The following MEIS1 variants were observed in gnomAD, a reference collection of about 807,000 sequenced individuals.
MEIS1 encodes Meis homeobox 1.
A neutral mutation model predicts 50.8 loss-of-function variants in MEIS1; 5 were observed. That is an observed-to-expected ratio of 0.10 (90% CI 0.05 to 0.21). MEIS1 has a LOEUF of 0.21. MEIS1 is among the 10% of genes least tolerant of loss of function. The pLI, the probability that MEIS1 is intolerant of heterozygous loss-of-function variation, is 1.00. For synonymous variants in MEIS1, 176 were observed against 179.3 expected, an observed-to-expected ratio of 0.98 and a Z score of 0.15; for missense variants, 318 against 517.3, an observed-to-expected ratio of 0.61 and a Z score of 3.74.
intron 6 of MEIS1, among the ~76,000 whole-genome samples, chr2:66,453,876 T>C (rs557399550): frequency 6.6e-6 from 1 of 152,054 alleles, no homozygotes; most frequent in South Asian, 2.1e-4. Flanking sequence ...GCTCGAGAGT[T>C]TAGAAGTAGA....
At chr2:66,473,397 A>AATATATATATATATAT (rs1553373466) in intron 7 of MEIS1, among the ~76,000 whole-genome samples, 69 of 107,390 alleles carry the variant, frequency 6.4e-4, no homozygotes, top group African/African-American at 3.1e-3. Flanking sequence ...AAAAAAAAAA[A>AATATATATATATATAT]ATATATATAT....
intron 6 of MEIS1, among the ~76,000 whole-genome samples, chr2:66,461,618 C>G (rs1000692627): frequency 2.2e-4 from 34 of 152,190 alleles, no homozygotes; most frequent in African/African-American, 4.8e-4. Flanking sequence ...AAAATATTGG[C>G]TCCTACCTTT....
chr2:66,544,715 T>C (rs1674746979), intron 8 of MEIS1, among the ~76,000 whole-genome samples: 1 of 152,176 alleles, frequency 6.6e-6, no homozygotes, highest in Admixed American at 6.6e-5. Context: ...TGAGGCTGCC[T>C]AGCAATTATG....
chr2:66,500,184 C>T (rs1341661134), intron 7 of MEIS1, among the ~76,000 whole-genome samples: 2 of 152,088 alleles, frequency 1.3e-5, no homozygotes, highest in Non-Finnish European at 2.9e-5. Flanking sequence ...CGAGCTTTAC[C>T]ACATATAATC....
chr2:66,566,575 T>C (rs895865306), intron 9 of MEIS1, among the ~76,000 whole-genome samples: 1 of 140,400 alleles, frequency 7.1e-6, no homozygotes, highest in Non-Finnish European at 1.5e-5. Context: ...GAGAATCTCA[T>C]GCGTATGACT....
intron 8 of MEIS1, among the ~76,000 whole-genome samples, chr2:66,527,590 A>G (rs1239586939): frequency 4.1e-5 from 4 of 97,730 alleles, no homozygotes; most frequent in African/African-American, 8.8e-5. Context: ...CAGTAAAAGC[A>G]AGTGTGTGTG....
At chr2:66,537,610 C>T (rs563997628) in intron 8 of MEIS1, among the ~76,000 whole-genome samples, 3 of 152,162 alleles carry the variant, frequency 2.0e-5, no homozygotes, top group Non-Finnish European at 4.4e-5. Flanking sequence ...TTCTAACTTA[C>T]GGATACTTTA....
chr2:66,437,471 A>G, intron 1 of MEIS1: 1 of 475,012 alleles, frequency 2.1e-6, no homozygotes, highest in East Asian at 3.6e-5. Context: ...TTCTTGCCAA[A>G]GGAGCCTGAA....
intron 8 of MEIS1, among the ~76,000 whole-genome samples, chr2:66,532,183 T>A (rs1257419966): frequency 6.6e-6 from 1 of 152,278 alleles, no homozygotes; most frequent in Non-Finnish European, 1.5e-5. Flanking sequence ...AGAATTAAAC[T>A]GAAGTTACTT....
At chr2:66,457,726 C>G (rs895402164) in intron 6 of MEIS1, among the ~76,000 whole-genome samples, 2 of 152,172 alleles carry the variant, frequency 1.3e-5, no homozygotes, top group African/African-American at 4.8e-5. Flanking sequence ...TACAGCGATC[C>G]CATTCACTGT....
chr2:66,441,264 A>T, intron 4 of MEIS1, 150 bp from the exon 5 acceptor site: 1 of 595,306 alleles, frequency 1.7e-6, no homozygotes, highest in Non-Finnish European at 2.8e-6. Context: ...GATGGTACCC[A>T]GTTGCTGCTA....
In MEIS1 at chr2:66,571,405, C is replaced by T. The variant is rs1475535553; in HGVS notation, c.*197C>T. ...TACATTCCTGGACACCCTCACCACC[C>T]AACAGTGATGATGCATGGAGGACCG... is the stretch of plus-strand genomic sequence containing the variant. On this transcript the variant is annotated 3_prime_UTR_variant, in exon 13 of 13. Coordinates refer to ENST00000272369, the MANE Select transcript of MEIS1 (RefSeq NM_002398.3). The T allele has an allele frequency of 1.2e-6, 2 of 1,606,138 alleles. No individual in the cohort carries two copies. Among genetic ancestry groups the T allele is most frequent in the African/African-American group, 1.3e-5 (1 of 74,748 alleles).
At chr2:66,538,583 C>G (rs531871417) in intron 8 of MEIS1, among the ~76,000 whole-genome samples, 24 of 152,284 alleles carry the variant, frequency 1.6e-4, no homozygotes, top group Non-Finnish European at 3.4e-4. Flanking sequence ...TTAGTCATCT[C>G]TAACTTTAAT....
At chr2:66,459,041 CA>C (rs1672460723) in intron 6 of MEIS1, among the ~76,000 whole-genome samples, 1 of 152,134 alleles carries the variant, frequency 6.6e-6, no homozygotes, top group Non-Finnish European at 1.5e-5. Context: ...CAGGTCATCA[CA>C]AAGCAAAGAG....
intron 7 of MEIS1, among the ~76,000 whole-genome samples, chr2:66,489,492 ATC>A (rs1451904014): frequency 6.6e-6 from 1 of 152,216 alleles, no homozygotes; most frequent in Non-Finnish European, 1.5e-5. Context: ...ATTAAAATGT[ATC>A]TGTGATTGTT....
At chr2:66,472,865 C>T (rs928671628) in intron 7 of MEIS1, among the ~76,000 whole-genome samples, 1 of 152,104 alleles carries the variant, frequency 6.6e-6, no homozygotes, top group South Asian at 2.1e-4. Context: ...TTGTGTTCAC[C>T]GCCATTAGTC....
At chr2:66,479,469 A>C (rs1672968349) in intron 7 of MEIS1, among the ~76,000 whole-genome samples, 1 of 152,224 alleles carries the variant, frequency 6.6e-6, no homozygotes, top group African/African-American at 2.4e-5. Flanking sequence ...TGAATGGTGT[A>C]GTTAGTATAT....
At position 66,464,183 on chromosome 2, in the gene MEIS1, C is replaced by A; in HGVS notation, c.705C>A (p.Gly235=). The change falls in exon 7 of 13, where the codon GGC becomes GGA. Residue 235 remains glycine (G), a synonymous_variant. Transcript: ENST00000272369. ...GAACCCCAGGCCCTTCCAGCGGTGGCCACACGTCACACAGTGGGGACAACA... is the reference window on the plus strand; with the variant it reads ...GAACCCCAGGCCCTTCCAGCGGTGGACACACGTCACACAGTGGGGACAACA... The part of the protein sequence containing the change: ...SGGTPGPSSG[G]HTSHSGDNSS... The A allele has an allele frequency of 6.2e-7, 1 of 1,604,208 alleles. No individual in the cohort carries two copies. Among genetic ancestry groups the A allele is most frequent in the Admixed American group, 1.7e-5 (1 of 58,820 alleles).
At chr2:66,509,244 A>G (rs1673764615) in intron 7 of MEIS1, 1 of 345,590 alleles carries the variant, frequency 2.9e-6, no homozygotes, top group Non-Finnish European at 5.9e-6. Flanking sequence ...TGCTTTTAGA[A>G]TAGTCTGTTT....
Sources: allele counts gnomAD v4.1 joint callset (sites outside exome capture counted in the v4.1 genomes callset), GRCh38; gene constraint gnomAD v4.1.1; transcripts MANE v1.5; gene names NCBI Gene and HGNC (gene_info 2026-07-23, HGNC 2026-07-21).